Variants in PRKN observed in about 807,000 individuals in gnomAD.
PRKN encodes the protein parkin RBR E3 ubiquitin protein ligase.
Under a neutral mutation model 59.5 loss-of-function variants are expected in PRKN, and 56 were observed. That is an observed-to-expected ratio of 0.94 (90% CI 0.76 to 1.18). PRKN has a LOEUF of 1.18. PRKN is among the 50% of genes most tolerant of loss of function. PRKN has a pLI of 0.00. For missense variants in PRKN, 657 were observed against 596.4 expected, an observed-to-expected ratio of 1.10 and a Z score of -1.06; for synonymous variants, 250 against 222.1, an observed-to-expected ratio of 1.13 and a Z score of -1.12.
intron 6 of PRKN, among the ~76,000 whole-genome samples, chr6:161,895,631 T>C (rs371820256): frequency 0.013 from 693 of 51,586 alleles, 22 homozygotes; most frequent in African/African-American, 0.046. Context: ...GCTGTTATGC[T>C]CCCCAGTGAG....
rs1393563943 is a variant in PRKN at position 161,347,619 on chromosome 6, GT to G, written c.*2479del. 5.6e-4 allele frequency: 62 copies of G among 111,114 alleles called. No individual in the cohort carries two copies. The highest frequency in any genetic ancestry group is 3.7e-3 in the East Asian group (15 of 4,054). 6.9% of individuals were successfully genotyped at this position (111,114 alleles called of 1,614,324 possible). On this transcript the variant is annotated 3_prime_UTR_variant, in exon 12 of 12. Transcript: ENST00000366898. ...TGGATGATCTTGCTTTTTTGTTTTTGTTTTTTTTTTTTTTTTGAGACAGAGT... is the reference window on the plus strand; with the variant it reads ...TGGATGATCTTGCTTTTTTGTTTTTGTTTTTTTTTTTTTTTGAGACAGAGT...
chr6:161,507,449 A>G (rs1055796190), intron 9 of PRKN, among the ~76,000 whole-genome samples: 5 of 152,210 alleles, frequency 3.3e-5, no homozygotes, highest in African/African-American at 4.8e-5. Flanking sequence ...CTGCCTGTAC[A>G]TGGCCCAATT....
chr6:162,521,922 A>G (rs1276995751), intron 1 of PRKN, among the ~76,000 whole-genome samples: 1 of 152,158 alleles, frequency 6.6e-6, no homozygotes, highest in Non-Finnish European at 1.5e-5. Flanking sequence ...TTGACTCAGT[A>G]TTATTGTTTT....
At chr6:162,358,224 C>A (rs1044551296) in intron 2 of PRKN, among the ~76,000 whole-genome samples, 20 of 152,074 alleles carry the variant, frequency 1.3e-4, no homozygotes, top group Non-Finnish European at 2.9e-4. Flanking sequence ...TGTCTGTAAT[C>A]CTAAAATTAC....
intron 5 of PRKN, among the ~76,000 whole-genome samples, chr6:161,977,547 T>TTG (rs1554256837): frequency 2.7e-5 from 4 of 146,340 alleles, no homozygotes; most frequent in African/African-American, 7.6e-5. Flanking sequence ...TTTTGGTTTT[T>TTG]TTTTTTTTTT....
intron 1 of PRKN, among the ~76,000 whole-genome samples, chr6:162,575,530 T>G (rs2846556): frequency 0.53 from 79,832 of 149,400 alleles, 23,266 homozygotes; most frequent in Middle Eastern, 0.69. Context: ...CAGTCTTACT[T>G]GTTGACCCCC....
intron 4 of PRKN, among the ~76,000 whole-genome samples, chr6:162,133,830 G>C (rs138545839): frequency 4.6e-5 from 7 of 152,188 alleles, no homozygotes; most frequent in Non-Finnish European, 7.4e-5. Context: ...GGGGATGTGA[G>C]GATTCTTGGA....
chr6:161,436,149 G>C (rs1788883176), intron 9 of PRKN, among the ~76,000 whole-genome samples: 1 of 130,046 alleles, frequency 7.7e-6, no homozygotes, highest in African/African-American at 3.0e-5. Flanking sequence ...TGGGATGGGA[G>C]GGCAGAGAGG....
In PRKN at chr6:161,877,938, G is replaced by T. The variant is rs187136868; in HGVS notation, c.735-92030C>A. ...ATATATGCAGTATGGCGCTCAATGA[G>T]GGAGTGGGTGGGCTCATTTTATGCA... On this transcript the variant is annotated intron_variant, in intron 6 of 11. Coordinates refer to ENST00000366898, the MANE Select transcript of PRKN (RefSeq NM_004562.3). 1.4e-4 allele frequency among the ~76,000 whole-genome samples: 21 copies of T among 152,050 alleles called. No individual in the cohort carries two copies. The East Asian group carries it at 2.1e-3, about 15-fold the overall frequency.
chr6:162,420,139 G>A (rs1788879744), intron 2 of PRKN, among the ~76,000 whole-genome samples: 1 of 151,910 alleles, frequency 6.6e-6, no homozygotes, highest in Non-Finnish European at 1.5e-5. Flanking sequence ...GGAGCTGTGA[G>A]CTTGTTTTCC....
At chr6:161,500,700 C>T (rs1226777817) in intron 9 of PRKN, among the ~76,000 whole-genome samples, 2 of 152,002 alleles carry the variant, frequency 1.3e-5, no homozygotes, top group African/African-American at 2.4e-5. Context: ...ATCCATTCAT[C>T]GACTGAAGGA....
At chr6:162,319,305 A>G (rs2128120947) in intron 2 of PRKN, among the ~76,000 whole-genome samples, 1 of 152,146 alleles carries the variant, frequency 6.6e-6, no homozygotes, top group Admixed American at 6.5e-5. Flanking sequence ...GAGCCCAAGC[A>G]TCTGTAATAT....
intron 7 of PRKN, among the ~76,000 whole-genome samples, chr6:161,614,479 C>G (rs1782615692): frequency 6.6e-6 from 1 of 152,180 alleles, no homozygotes; most frequent in Non-Finnish European, 1.5e-5. Context: ...CATTAGTAAG[C>G]ACATGTGCAA....
chr6:162,416,490 T>G (rs6455826), intron 2 of PRKN, among the ~76,000 whole-genome samples: 83,494 of 151,984 alleles, frequency 0.55, 23,900 homozygotes, highest in African/African-American at 0.71. Context: ...CTTTTCATAT[T>G]CCTTACAAGT....
At chr6:162,319,484 A>C (rs530426159) in intron 2 of PRKN, among the ~76,000 whole-genome samples, 1 of 152,042 alleles carries the variant, frequency 6.6e-6, no homozygotes, top group Non-Finnish European at 1.5e-5. Flanking sequence ...TAGCTGTTTT[A>C]ATGCTCTAAG....
chr6:161,896,916 G>C (rs1777649580), intron 6 of PRKN, among the ~76,000 whole-genome samples: 1 of 152,180 alleles, frequency 6.6e-6, no homozygotes, highest in African/African-American at 2.4e-5. Flanking sequence ...GTTGTAGAAA[G>C]GCGTGTTCAG....
intron 1 of PRKN, among the ~76,000 whole-genome samples, chr6:162,446,190 A>T (rs543408847): frequency 2.6e-5 from 4 of 152,290 alleles, no homozygotes; most frequent in Non-Finnish European, 5.9e-5. Context: ...AAGACAACCA[A>T]TTCATCAGAA....
At chr6:162,544,740 C>A (rs546709289) in intron 1 of PRKN, among the ~76,000 whole-genome samples, 110 of 139,098 alleles carry the variant, frequency 7.9e-4, no homozygotes, top group African/African-American at 2.9e-3. Flanking sequence ...AGCAGTGGCG[C>A]GATGTCGACT....
chr6:162,214,446 T>A (rs1429132959), intron 3 of PRKN, among the ~76,000 whole-genome samples: 1 of 152,156 alleles, frequency 6.6e-6, no homozygotes, highest in Non-Finnish European at 1.5e-5. Flanking sequence ...TCTGAGCACA[T>A]GAAAGGTGGT....
Sources: allele counts gnomAD v4.1 joint callset (sites outside exome capture counted in the v4.1 genomes callset), GRCh38; gene constraint gnomAD v4.1.1; transcripts MANE v1.5; gene names NCBI Gene and HGNC (gene_info 2026-07-23, HGNC 2026-07-21).